TENM4: variants seen among roughly 807,000 people sequenced by gnomAD.
TENM4 encodes teneurin transmembrane protein 4.
Under a neutral mutation model 243.3 loss-of-function variants are expected in TENM4, and 82 were observed. The ratio of observed to expected loss-of-function variants is 0.34; its 90% CI spans 0.28 to 0.40. TENM4 has a LOEUF of 0.40. Ranked by LOEUF, TENM4 falls within the 10% of genes least tolerant of loss-of-function variation. TENM4 has a pLI of 1.00. For synonymous variants in TENM4, 1,412 were observed against 1,456.3 expected, an observed-to-expected ratio of 0.97 and a Z score of 0.69; for missense variants, 3,138 against 3,673.3, an observed-to-expected ratio of 0.85 and a Z score of 3.77.
intron 6 of TENM4, among the ~76,000 whole-genome samples, chr11:78,969,007 A>G (rs1857490443): frequency 6.6e-6 from 1 of 152,144 alleles, no homozygotes; most frequent in African/African-American, 2.4e-5. Context: ...CTTAGTGTTA[A>G]TTTTCTCCTT....
At chr11:79,059,914 T>C (rs532424861) in intron 6 of TENM4, among the ~76,000 whole-genome samples, 1 of 152,304 alleles carries the variant, frequency 6.6e-6, no homozygotes, top group Non-Finnish European at 1.5e-5. Context: ...AGCATTCTTT[T>C]TCCACTCTGC....
chr11:79,318,005 A>T (rs1278021117), intron 1 of TENM4, among the ~76,000 whole-genome samples: 1 of 152,206 alleles, frequency 6.6e-6, no homozygotes, highest in East Asian at 1.9e-4. Context: ...TGATTGTAAG[A>T]AACAGCCTAT....
At chr11:78,862,231 G>A (rs1385273869) in intron 10 of TENM4, among the ~76,000 whole-genome samples, 2 of 152,082 alleles carry the variant, frequency 1.3e-5, no homozygotes, top group Non-Finnish European at 2.9e-5. Context: ...ACAGACCTGG[G>A]CTCATATCCC....
chr11:78,849,004 C>T (rs961593064), intron 12 of TENM4, among the ~76,000 whole-genome samples: 5 of 152,152 alleles, frequency 3.3e-5, no homozygotes, highest in African/African-American at 1.2e-4. Context: ...AATTCCCAGT[C>T]CCTACATTTT....
At chr11:79,021,230 T>A (rs1320624763) in intron 6 of TENM4, among the ~76,000 whole-genome samples, 2 of 152,216 alleles carry the variant, frequency 1.3e-5, no homozygotes, top group African/African-American at 4.8e-5. Context: ...AATATAAGCA[T>A]CTGAAAGCAG....
At chr11:79,332,837 G>GA (rs1390214714) in intron 1 of TENM4, among the ~76,000 whole-genome samples, 2 of 152,072 alleles carry the variant, frequency 1.3e-5, no homozygotes, top group Non-Finnish European at 2.9e-5. Flanking sequence ...TGGTGCCAGG[G>GA]ATCTCACTCC....
At chr11:79,247,862 T>A (rs1855546818) in intron 2 of TENM4, among the ~76,000 whole-genome samples, 1 of 152,242 alleles carries the variant, frequency 6.6e-6, no homozygotes, top group African/African-American at 2.4e-5. Flanking sequence ...CTTAGAGTTA[T>A]ATGTTCTTTC....
intron 25 of TENM4, among the ~76,000 whole-genome samples, chr11:78,715,841 C>A (rs1169238127): frequency 6.6e-6 from 1 of 152,188 alleles, no homozygotes; most frequent in Non-Finnish European, 1.5e-5. Flanking sequence ...CGTCCTCCTG[C>A]CACCTGGCCC....
chr11:78,788,299 C>A (rs1188109998), intron 15 of TENM4, among the ~76,000 whole-genome samples: 2 of 152,228 alleles, frequency 1.3e-5, no homozygotes, highest in Non-Finnish European at 2.9e-5. Flanking sequence ...GTACGAGTCC[C>A]CATGTATGTT....
chr11:79,440,083 G>A lies in TENM4; in HGVS notation c.-321+426C>T, dbSNP rs1020140094. 6.6e-6 allele frequency among the ~76,000 whole-genome samples: 1 copy of A among 152,082 alleles called. No homozygotes were observed. Among genetic ancestry groups the A allele is most frequent in the Non-Finnish European group, 1.5e-5 (1 of 67,996 alleles). ...AGCCGCTGAAGCCCGGCGCCGCCTC[G>A]CGGGCTCCTCCAGCGCCCGACGGGG... On this transcript the variant is annotated intron_variant, in intron 1 of 33. Coordinates refer to ENST00000278550, the MANE Select transcript of TENM4 (RefSeq NM_001098816.3). The surrounding 1 kb of genome is among the most constrained non-coding windows in gnomAD (Gnocchi z 4.7).
chr11:79,179,960 T>C (rs904103343), intron 3 of TENM4, among the ~76,000 whole-genome samples: 12 of 151,716 alleles, frequency 7.9e-5, no homozygotes, highest in African/African-American at 2.9e-4. Context: ...CTCCTTACCA[T>C]GGGACAGTGA....
intron 2 of TENM4, among the ~76,000 whole-genome samples, chr11:79,279,283 CAGA>C (rs1414027576): frequency 2.6e-5 from 4 of 152,086 alleles, no homozygotes; most frequent in Non-Finnish European, 5.9e-5. Context: ...GTACTCCAGG[CAGA>C]AGATGAGTAA....
chr11:78,785,987 A>G (rs1856927614), intron 16 of TENM4, among the ~76,000 whole-genome samples: 1 of 152,086 alleles, frequency 6.6e-6, no homozygotes, highest in African/African-American at 2.4e-5. Flanking sequence ...AAAAAAAACC[A>G]AAAAACAAAA....
chr11:79,437,868 C>T (rs1249704627), intron 1 of TENM4, among the ~76,000 whole-genome samples: 1 of 152,208 alleles, frequency 6.6e-6, no homozygotes, highest in Non-Finnish European at 1.5e-5. Context: ...GCCCCTCTGG[C>T]AGCCGGGTTA....
At chr11:78,945,952 G>A (rs1856995019) in intron 6 of TENM4, among the ~76,000 whole-genome samples, 1 of 152,174 alleles carries the variant, frequency 6.6e-6, no homozygotes, top group South Asian at 2.1e-4. Context: ...GAGGTTTAAG[G>A]AAAGAAGCAG....
intron 3 of TENM4, among the ~76,000 whole-genome samples, chr11:79,206,823 G>A (rs1011488797): frequency 6.6e-6 from 1 of 152,136 alleles, no homozygotes; most frequent in South Asian, 2.1e-4. Context: ...TATCAGCAGC[G>A]TGAAAATGGA....
chr11:79,149,390 A>C (rs541322502), intron 3 of TENM4, among the ~76,000 whole-genome samples: 1 of 152,240 alleles, frequency 6.6e-6, no homozygotes, highest in South Asian at 2.1e-4. Context: ...TAAGGTGATA[A>C]ATTTCTCTCT....
At chr11:79,145,701 T>C (rs1862384104) in intron 4 of TENM4, among the ~76,000 whole-genome samples, 1 of 152,138 alleles carries the variant, frequency 6.6e-6, no homozygotes, top group Admixed American at 6.6e-5. Context: ...TAGCTGATAT[T>C]GCCAAACAGT....
intron 4 of TENM4, among the ~76,000 whole-genome samples, chr11:79,146,818 A>T (rs185585701): frequency 3.9e-5 from 6 of 152,060 alleles, no homozygotes; most frequent in Non-Finnish European, 7.4e-5. Context: ...TTATCAAATA[A>T]TGTGACCAAG....
Sources: gnomAD v4.1 joint callset for allele counts (sites outside exome capture counted in the v4.1 genomes callset) on GRCh38, gnomAD v4.1.1 for gene constraint, Gnocchi (gnomAD v3.1) non-coding constraint, MANE v1.5 for transcripts, NCBI Gene and HGNC (gene_info 2026-07-23, HGNC 2026-07-21) for gene names.